Variants in NAPB observed in about 807,000 individuals in gnomAD.
The protein encoded by NAPB is NSF attachment protein beta.
A neutral mutation model predicts 44.7 loss-of-function variants in NAPB; 26 were observed. The ratio of observed to expected loss-of-function variants is 0.58; its 90% CI spans 0.43 to 0.81. The LOEUF (loss-of-function observed/expected upper bound fraction) is 0.81, where lower values mean the gene tolerates loss of function less well. Among genes scored for constraint, NAPB ranks in the 30% least tolerant of loss-of-function variants. The pLI, the probability that NAPB is intolerant of heterozygous loss-of-function variation, is 0.00. For synonymous variants in NAPB, 120 were observed against 116.8 expected, an observed-to-expected ratio of 1.03 and a Z score of -0.18; for missense variants, 315 against 356.4, an observed-to-expected ratio of 0.88 and a Z score of 0.94.
Position 23,374,585 on chromosome 20 carries a change from C to T in NAPB, c.*2791G>A, listed in dbSNP as rs1568597265. The T allele has an allele frequency of 6.6e-6, 1 of 152,160 alleles. No individual in the cohort carries two copies. Among genetic ancestry groups the T allele is most frequent in the African/African-American group, 2.4e-5 (1 of 41,420 alleles). The allele number at this position is 152,160 out of a possible 1,614,324, so 9.4% of individuals were successfully genotyped here. On this transcript the variant is annotated 3_prime_UTR_variant, in exon 11 of 11. Transcript: ENST00000377026. Reference sequence around the variant, plus strand: ...GTTTTCATAACGTAATCCCCTGCCCCAGAGCAACTCAGGACTCCATGGAGC... The same window carrying T: ...GTTTTCATAACGTAATCCCCTGCCCTAGAGCAACTCAGGACTCCATGGAGC...
chr20:23,420,580 C>G (rs896011206), intron 1 of NAPB, among the ~76,000 whole-genome samples: 2 of 152,048 alleles, frequency 1.3e-5, no homozygotes, highest in Admixed American at 6.5e-5. Context: ...GGCTCCACCC[C>G]GGCGCGCCTC....
intron 1 of NAPB, among the ~76,000 whole-genome samples, chr20:23,420,811 C>CG (rs1555794369): frequency 2.1e-5 from 1 of 48,502 alleles, no homozygotes; most frequent in South Asian, 7.8e-4. Flanking sequence ...GGCTGACAGC[C>CG]CCCCCCCCAG....
intron 2 of NAPB, among the ~76,000 whole-genome samples, chr20:23,401,742 G>A (rs1231265887): frequency 6.6e-6 from 1 of 152,142 alleles, no homozygotes; most frequent in Non-Finnish European, 1.5e-5. Flanking sequence ...TTAGCTGGGC[G>A]TGGTGGCGCG....
intron 7 of NAPB, among the ~76,000 whole-genome samples, chr20:23,382,504 G>A (rs1177175097): frequency 4.6e-5 from 7 of 152,040 alleles, no homozygotes; most frequent in East Asian, 1.9e-4. Context: ...AATATCCCAC[G>A]AAGATTTTAA....
In NAPB at chr20:23,377,387, C is replaced by T; in HGVS notation, c.886G>A (p.Asp296Asn). Residue 296 changes from aspartate to asparagine, a missense_variant, in exon 11 of 11, where the codon GAC (aspartate) becomes AAC (asparagine). Physicochemically the swap from Asp to Asn is conservative, Grantham distance 23 (BLOSUM62 1). Coordinates refer to ENST00000377026, the MANE Select transcript of NAPB (RefSeq NM_022080.3). The part of the protein sequence containing the change: ...SIQGDGEGDG[D>N]LK ...AAGACAAAAACATTTCATTTTAGGT[C>T]TCCATCTCCTTCTCCATCCCCTTGG... 14 of 1,590,634 alleles carry T rather than the reference C, an allele frequency of 8.8e-6. No homozygotes were observed. The highest frequency in any genetic ancestry group is 2.3e-5 in the East Asian group (1 of 44,376).
chr20:23,418,578 A>C (rs1332231367), intron 1 of NAPB, among the ~76,000 whole-genome samples: 1 of 152,180 alleles, frequency 6.6e-6, no homozygotes, highest in Non-Finnish European at 1.5e-5. Flanking sequence ...AACAGTCTTC[A>C]AAGTATAAAT....
Position 23,397,131 on chromosome 20 carries a change from T to C in NAPB, c.236A>G (p.His79Arg), listed in dbSNP as rs527669105. ...ATCCACAAAGCTGGTAGCAGAGTCATGTTTGCTCTGAAGCTGCATGTGGAG... is the reference window on the plus strand; with the variant it reads ...ATCCACAAAGCTGGTAGCAGAGTCACGTTTGCTCTGAAGCTGCATGTGGAG... Reference protein sequence around the residue: ...AKLHMQLQSKHDSATSFVDAG... With the variant: ...AKLHMQLQSKRDSATSFVDAG... The change falls in exon 3 of 11, where the codon CAT becomes CGT. Residue 79 changes from histidine (H) to arginine (R), a missense_variant. Around this residue, in one of 3 missense-constraint regions of NAPB, gnomAD observed 179 missense variants for 182.5 expected, o/e 0.98. Coordinates refer to ENST00000377026, the MANE Select transcript of NAPB (RefSeq NM_022080.3). 2.5e-6 allele frequency: 4 copies of C among 1,613,842 alleles called. No homozygotes were observed. Among genetic ancestry groups the C allele is most frequent in the Non-Finnish European group, 3.4e-6 (4 of 1,179,746 alleles).
chr20:23,384,369 C>G (rs1983298386), intron 7 of NAPB, among the ~76,000 whole-genome samples: 1 of 151,954 alleles, frequency 6.6e-6, no homozygotes, highest in African/African-American at 2.4e-5. Context: ...CAAGACCAGC[C>G]TGGGCAACAT....
At chr20:23,412,805 G>A (rs1361768705) in intron 1 of NAPB, among the ~76,000 whole-genome samples, 4 of 152,206 alleles carry the variant, frequency 2.6e-5, no homozygotes, top group African/African-American at 9.7e-5. Context: ...AGACCAGCCT[G>A]GCCAACACGG....
chr20:23,378,575 G>A (rs896359766), intron 10 of NAPB, among the ~76,000 whole-genome samples: 4 of 149,800 alleles, frequency 2.7e-5, no homozygotes, highest in African/African-American at 9.7e-5. Flanking sequence ...CCGAGTAGCT[G>A]GTATTACAGG....
intron 1 of NAPB, among the ~76,000 whole-genome samples, chr20:23,416,530 G>A (rs1249451457): frequency 6.6e-6 from 1 of 151,990 alleles, no homozygotes; most frequent in African/African-American, 2.4e-5. Context: ...AATAGTAAAT[G>A]AGAGAACTTG....
chr20:23,403,103 C>A, intron 1 of NAPB, 31 bp from the exon 2 acceptor site: 1 of 1,480,764 alleles, frequency 6.8e-7, no homozygotes, highest in East Asian at 2.3e-5. Context: ...AGATTTTTAA[C>A]AACCATCCAC....
intron 1 of NAPB, among the ~76,000 whole-genome samples, chr20:23,418,154 C>T (rs567363671): frequency 6.6e-6 from 1 of 152,174 alleles, no homozygotes; most frequent in African/African-American, 2.4e-5. Flanking sequence ...CTTTAAAGCA[C>T]CAGCTAGTCA....
In NAPB at chr20:23,377,832, T is replaced by C. The variant is rs1271089906; in HGVS notation, c.787-346A>G. Among the ~76,000 whole-genome samples the C allele has an allele frequency of 2.0e-5, 3 of 152,192 alleles. No homozygotes were observed. In the East Asian group the frequency reaches 5.8e-4, roughly 29 times the overall value. On this transcript the variant is annotated intron_variant, in intron 10 of 10. Transcript: ENST00000377026. Reference sequence around the variant, plus strand: ...ATGGAAAATTAATACTCACTGAACATGGGAAAACATTAATTACAGAGTTAG... The same window carrying C: ...ATGGAAAATTAATACTCACTGAACACGGGAAAACATTAATTACAGAGTTAG...
intron 10 of NAPB, chr20:23,378,722 GTGAGCCACCGTGCC>G (rs1982733213): frequency 6.6e-6 from 1 of 151,390 alleles, no homozygotes; most frequent in Non-Finnish European, 1.5e-5. Context: ...GATTATAGGT[GTGAGCCACCGTGCC>G]TGGCCACCTT....
chr20:23,385,083 C>A (rs567402162), intron 7 of NAPB, among the ~76,000 whole-genome samples: 1 of 151,912 alleles, frequency 6.6e-6, no homozygotes, highest in East Asian at 1.9e-4. Context: ...CACTCCACTG[C>A]GCTCCAGTGT....
intron 1 of NAPB, among the ~76,000 whole-genome samples, 161 bp downstream of exon 1, chr20:23,421,144 G>A (rs1600262422): frequency 2.6e-5 from 4 of 151,686 alleles, no homozygotes; most frequent in African/African-American, 7.2e-5. Flanking sequence ...GGCGCTGGGG[G>A]ACCCTACAGG....
Position 23,403,088 on chromosome 20 carries a change from A to C in NAPB, c.99-16T>G, listed in dbSNP as rs375020771. 32 of 1,600,432 alleles carry C rather than the reference A, an allele frequency of 2.0e-5. No individual in the cohort carries two copies. Among genetic ancestry groups the C allele is most frequent in the Non-Finnish European group, 2.6e-5 (31 of 1,170,140 alleles). On this transcript the variant is annotated splice_polypyrimidine_tract_variant and intron_variant, in intron 1 of 10. Transcript: ENST00000377026. ...TGTGTTTCCTCTGAGAAAAAGTTAA[A>C]AATTAGATTTTTAACAACCATCCAC...
Position 23,421,465 on chromosome 20 carries a change from C to G in NAPB, c.-63G>C, listed in dbSNP as rs909130080. 46 of 1,452,118 alleles carry G rather than the reference C, an allele frequency of 3.2e-5. No individual in the cohort carries two copies. Among genetic ancestry groups the G allele is most frequent in the Non-Finnish European group, 7.4e-6 (8 of 1,083,328 alleles). 90.0% of individuals were successfully genotyped at this position (1,452,118 alleles called of 1,614,324 possible). On this transcript the variant is annotated 5_prime_UTR_variant, in exon 1 of 11. Transcript: ENST00000377026. ...TCGCTGTGCGCCCAGGCGCCTTAAC[C>G]CTCCCTCTGGCGGCCGCAGGGACGC...
Sources: gnomAD v4.1 joint callset for allele counts (sites outside exome capture counted in the v4.1 genomes callset) on GRCh38, gnomAD v4.1.1 for gene constraint, gnomAD v4.1.1 regional missense constraint, MANE v1.5 for transcripts, NCBI Gene and HGNC (gene_info 2026-07-23, HGNC 2026-07-21) for gene names.